Variants in RBFOX1 observed in about 807,000 individuals in gnomAD.
RBFOX1 encodes RNA binding protein fox-1 homolog 1.
Under a neutral mutation model 57.7 loss-of-function variants are expected in RBFOX1, and 8 were observed. The ratio of observed to expected loss-of-function variants is 0.14; its 90% confidence interval spans 0.08 to 0.25. The LOEUF (loss-of-function observed/expected upper bound fraction) is 0.25, where lower values mean the gene tolerates loss of function less well. Ranked by LOEUF, RBFOX1 falls within the 10% of genes least tolerant of loss-of-function variation. RBFOX1 has a pLI of 1.00. For missense variants in RBFOX1, 611 were observed against 548.5 expected (o/e 1.11, Z -1.14); for synonymous variants, 326 against 222.4 (o/e 1.47, Z -4.15).
intron 2 of RBFOX1, among the ~76,000 whole-genome samples, chr16:6,373,615 A>G (rs2090782525): frequency 6.6e-6 from 1 of 151,430 alleles, no homozygotes. Context: ...ATGGTTGGCA[A>G]AATCTTTGAG....
intron 2 of RBFOX1, among the ~76,000 whole-genome samples, chr16:5,491,276 C>T (rs1262295690): frequency 6.6e-6 from 1 of 152,132 alleles, no homozygotes; most frequent in Non-Finnish European, 1.5e-5. Context: ...TATTACCAGC[C>T]ACCCCGAGCC....
chr16:7,412,230 C>G (rs919748391), intron 4 of RBFOX1, among the ~76,000 whole-genome samples: 1 of 151,838 alleles, frequency 6.6e-6, no homozygotes, highest in Non-Finnish European at 1.5e-5. Context: ...GCCTGGCCAA[C>G]ATGGTGAAAC....
intron 3 of RBFOX1, among the ~76,000 whole-genome samples, chr16:7,003,270 C>T (rs2092995843): frequency 6.6e-6 from 1 of 151,782 alleles, no homozygotes; most frequent in African/African-American, 2.4e-5. Context: ...ACCATCCTGG[C>T]CAACATGGTG....
In RBFOX1 at chr16:7,531,139, T is replaced by TA. The variant is rs955629963; in HGVS notation, c.270+12759dup. Among the ~76,000 whole-genome samples the TA allele has an allele frequency of 1.1e-4, 17 of 151,180 alleles. No individual in the cohort carries two copies. The East Asian group carries it at 1.2e-3, about 10-fold the overall frequency. ...TGAAAAGGCAATTTTCTTGTAAAAA[T>TA]AAAAAAAAATATGTAGAGTTGCAAA... is the stretch of plus-strand genomic sequence containing the variant. On this transcript the variant is annotated intron_variant, in intron 5 of 15. Coordinates refer to ENST00000550418, the MANE Select transcript of RBFOX1 (RefSeq NM_018723.4).
intron 4 of RBFOX1, among the ~76,000 whole-genome samples, chr16:7,398,984 G>A (rs1367272531): frequency 6.6e-6 from 1 of 152,156 alleles, no homozygotes; most frequent in African/African-American, 2.4e-5. Flanking sequence ...TGATGTCAAG[G>A]TGTCAACGGA....
chr16:6,711,700 A>G (rs34300362), intron 3 of RBFOX1, among the ~76,000 whole-genome samples: 12,235 of 152,192 alleles, frequency 0.08, 645 homozygotes, highest in African/African-American at 0.15. Context: ...AGTCTCAGGT[A>G]TGTCTCTGTA....
intron 2 of RBFOX1, among the ~76,000 whole-genome samples, chr16:5,502,694 T>A (rs959049780): frequency 6.6e-6 from 1 of 152,152 alleles, no homozygotes; most frequent in African/African-American, 2.4e-5. Context: ...GCAACCATAT[T>A]AACAGAATCC....
At chr16:6,636,806 A>AATATATAATATATGTT (rs2098438340) in intron 2 of RBFOX1, among the ~76,000 whole-genome samples, 1 of 10,334 alleles carries the variant, frequency 9.7e-5, no homozygotes, top group African/African-American at 1.1e-4. Context: ...TGTTATATAT[A>AATATATAATATATGTT]ATATATAATA....
chr16:5,532,033 C>G (rs2044498520), intron 2 of RBFOX1, among the ~76,000 whole-genome samples: 2 of 152,176 alleles, frequency 1.3e-5, no homozygotes, highest in South Asian at 2.1e-4. Flanking sequence ...CTCCTGATCT[C>G]AAGTGACTGT....
chr16:7,163,391 G>A (rs12599645), intron 4 of RBFOX1, among the ~76,000 whole-genome samples: 90,504 of 151,936 alleles, frequency 0.6, 28,586 homozygotes, highest in Non-Finnish European at 0.7. Context: ...GCACACAGTT[G>A]AGGAAATTTC....
rs1177243181 is a variant in RBFOX1 at position 5,278,474 on chromosome 16, C to T, written c.219+38369C>T. On this transcript the variant is annotated intron_variant, in intron 1 of 2. Coordinates refer to the RBFOX1 transcript ENST00000585867. Reference sequence around the variant, plus strand: ...TGGTATTGCCTAGGTCGTCTTCCAGCGTTTTTATAGTTATGGGTTTTACAT... The same window carrying T: ...TGGTATTGCCTAGGTCGTCTTCCAGTGTTTTTATAGTTATGGGTTTTACAT... Among the ~76,000 whole-genome samples, 66 of 152,068 alleles carry T rather than the reference C, an allele frequency of 4.3e-4. 2 individuals carry two copies. The highest frequency in any genetic ancestry group is 4.2e-3 in the Admixed American group (64 of 15,252).
intron 4 of RBFOX1, among the ~76,000 whole-genome samples, chr16:7,071,675 A>G (rs2057372086): frequency 6.6e-6 from 1 of 151,776 alleles, no homozygotes; most frequent in South Asian, 2.1e-4. Flanking sequence ...ACATATATAT[A>G]TATTTTCCCA....
chr16:7,258,155 T>G (rs1462525975), intron 4 of RBFOX1, among the ~76,000 whole-genome samples: 1 of 152,212 alleles, frequency 6.6e-6, no homozygotes, highest in Admixed American at 6.5e-5. Flanking sequence ...TTCTTGACTA[T>G]TTTATTCTGG....
At chr16:5,498,520 T>A (rs1159790607) in intron 2 of RBFOX1, among the ~76,000 whole-genome samples, 1 of 152,172 alleles carries the variant, frequency 6.6e-6, no homozygotes. Context: ...TTCTAGAAGA[T>A]CACACTGCCT....
At chr16:7,374,855 A>G (rs2097654659) in intron 4 of RBFOX1, among the ~76,000 whole-genome samples, 1 of 152,200 alleles carries the variant, frequency 6.6e-6, no homozygotes, top group Non-Finnish European at 1.5e-5. Flanking sequence ...ATAGGTGGTG[A>G]TAGCATGCTT....
intron 1 of RBFOX1, among the ~76,000 whole-genome samples, chr16:6,240,684 T>TA (rs34274729): frequency 0.21 from 31,278 of 149,360 alleles, 3,882 homozygotes; most frequent in African/African-American, 0.36. Flanking sequence ...TTCTTTTTCC[T>TA]AAAAAAAAAA....
chr16:7,249,736 G>C (rs1183123473), intron 4 of RBFOX1, among the ~76,000 whole-genome samples: 1 of 151,958 alleles, frequency 6.6e-6, no homozygotes, highest in Non-Finnish European at 1.5e-5. Flanking sequence ...TGCTATCTCT[G>C]ATTTTCCACC....
intron 4 of RBFOX1, among the ~76,000 whole-genome samples, chr16:7,495,181 G>C (rs1354568092): frequency 3.9e-5 from 6 of 152,114 alleles, no homozygotes; most frequent in Admixed American, 3.9e-4. Context: ...GTATTCCATG[G>C]TGTAGATATA....
rs1450398175 is a variant in RBFOX1 at position 5,856,511 on chromosome 16, C to G, written c.319-10792C>G. 2.0e-4 allele frequency among the ~76,000 whole-genome samples: 25 copies of G among 125,598 alleles called. 2 individuals carry two copies. The highest frequency in any genetic ancestry group is 7.1e-4 in the African/African-American group (24 of 33,622). 82.4% of individuals were successfully genotyped at this position (125,598 alleles called of 152,430 possible). ...GTAACTGAAATTTTGTGCATTTTGA[C>G]CAACATCTCTCATTCATATATGTGT... On this transcript the variant is annotated intron_variant, in intron 3 of 19. Transcript: ENST00000641259.
Sources: gnomAD v4.1 joint callset for allele counts (sites outside exome capture counted in the v4.1 genomes callset) on GRCh38, gnomAD v4.1.1 for gene constraint, MANE v1.5 for transcripts, NCBI Gene and HGNC (gene_info 2026-07-23, HGNC 2026-07-21) for gene names.